RAI1: variants seen among roughly 807,000 people sequenced by gnomAD.
The protein encoded by RAI1 is retinoic acid induced 1, also known as retinoic acid-induced protein 1.
In RAI1, 9 loss-of-function variants were observed where a neutral mutation model predicts 123.8. The observed-to-expected ratio is 0.07, with a 90% CI of 0.04 to 0.13. The LOEUF is 0.13. Ranked by LOEUF, RAI1 falls within the 10% of genes least tolerant of loss-of-function variation. The pLI is 1.00. For synonymous variants in RAI1, 1,231 were observed against 1,127.3 expected (o/e 1.09, Z -1.84); for missense variants, 2,256 against 2,545.8 (o/e 0.89, Z 2.45).
At chr17:17,728,424 A>G (rs947549038) in intron 2 of RAI1, among the ~76,000 whole-genome samples, 1 of 152,210 alleles carries the variant, frequency 6.6e-6, no homozygotes, top group African/African-American at 2.4e-5. Context: ...TGATTGAGCC[A>G]TTCCTGCTCA....
At chr17:17,774,712 TAA>T (rs1245156246) in intron 2 of RAI1, among the ~76,000 whole-genome samples, 1 of 152,288 alleles carries the variant, frequency 6.6e-6, no homozygotes, top group Non-Finnish European at 1.5e-5. Context: ...CCCTCTGTTA[TAA>T]AAGAGTATAT....
chr17:17,798,243 G>A lies in RAI1; in HGVS notation c.5295G>A (p.Lys1765=). The change falls in exon 3 of 6, where the codon AAG becomes AAA. Residue 1765 remains lysine, a synonymous_variant. Coordinates refer to ENST00000353383, the MANE Select transcript of RAI1 (RefSeq NM_030665.4). ...PRPDGPADPA[K]QGPLRTSARG... ...CTGACGGCCCAGCTGACCCGGCCAA[G>A]CAGGGCCCACTGCGCACCAGTGCCC... is the stretch of plus-strand genomic sequence containing the variant. The A allele has an allele frequency of 6.2e-7, 1 of 1,609,318 alleles. No individual in the cohort carries two copies. The highest frequency in any genetic ancestry group is 8.5e-7 in the Non-Finnish European group (1 of 1,178,204).
intron 1 of RAI1, chr17:17,684,777 T>C (rs977526854): frequency 1.3e-5 from 2 of 151,246 alleles, no homozygotes; most frequent in Non-Finnish European, 2.9e-5. Context: ...GAGGACATAC[T>C]GTGGGCTCTT....
rs370245374 is a variant in RAI1, at chr17:17,795,498, C to T, written c.2550C>T (p.Phe850=). Residue 850 remains phenylalanine, a synonymous_variant, in exon 3 of 6, where the codon TTC becomes TTT. Coordinates refer to ENST00000353383, the MANE Select transcript of RAI1 (RefSeq NM_030665.4). This position sits in a 1 kb window ranked among gnomAD's most constrained non-coding sequence, Gnocchi z 5.9. ...GGCACTGCTGTTCCACCGCCGACTT[C>T]GGGGACCTCCCACTGCTGCCACCCA... ...DSRHCCSTAD[F]GDLPLLPPTS... 1.3e-5 allele frequency: 20 copies of T among 1,587,694 alleles called. No homozygotes were observed. The highest frequency in any genetic ancestry group is 5.4e-5 in the African/African-American group (4 of 74,452).
At chr17:17,719,688 C>G (rs1020585565) in intron 1 of RAI1, among the ~76,000 whole-genome samples, 6 of 152,044 alleles carry the variant, frequency 3.9e-5, no homozygotes, top group African/African-American at 1.5e-4. Flanking sequence ...GCTCTGAATC[C>G]TCAACACATA....
rs535015443 is a variant in RAI1 at position 17,810,527 on chromosome 17, G to C, written c.*546G>C. 3 of 280,016 alleles carry C rather than the reference G, an allele frequency of 1.1e-5. No individual in the cohort carries two copies. The highest frequency in any genetic ancestry group is 6.9e-5 in the African/African-American group (3 of 43,248). 17.3% of individuals were successfully genotyped at this position (280,016 alleles called of 1,614,324 possible). ...AGAAAGGAAGCCTTTCTGAGAGCGG[G>C]CTAGGCCGGCACTGGAGAGGCCGGA... On this transcript the variant is annotated 3_prime_UTR_variant, in exon 6 of 6. Coordinates refer to ENST00000353383, the MANE Select transcript of RAI1 (RefSeq NM_030665.4). The surrounding 1 kb of genome is among the most constrained non-coding windows in gnomAD (Gnocchi z 4.6).
At chr17:17,746,658 G>A (rs1438076084) in intron 2 of RAI1, among the ~76,000 whole-genome samples, 5 of 93,444 alleles carry the variant, frequency 5.4e-5, no homozygotes, top group Non-Finnish European at 1.2e-4. Context: ...TTTTTGAGAT[G>A]GAGTTTCGCT....
At position 17,781,021 on chromosome 17, in the gene RAI1, C is replaced by CT. The variant is rs561401910; in HGVS notation, c.-16-11910dup. Among the ~76,000 whole-genome samples the CT allele has an allele frequency of 3.0e-4, 45 of 152,318 alleles. 1 individual carries two copies. The highest frequency in any genetic ancestry group is 2.1e-3 in the East Asian group (11 of 5,178). On this transcript the variant is annotated intron_variant, in intron 2 of 5. Coordinates refer to ENST00000353383, the MANE Select transcript of RAI1 (RefSeq NM_030665.4). ...CAGGAGCTAGGAACCTGCCAGGCTT[C>CT]TTACCTCTCTGCTGGAATCTCCACC...
At chr17:17,719,209 T>G (rs1455441049) in intron 1 of RAI1, among the ~76,000 whole-genome samples, 2 of 152,186 alleles carry the variant, frequency 1.3e-5, no homozygotes, top group East Asian at 3.9e-4. Context: ...CCATCCCTGC[T>G]CAAAACACTG....
chr17:17,793,283 A>G lies in RAI1; in HGVS notation c.335A>G (p.Tyr112Cys), dbSNP rs1429075474. Residue 112 changes from tyrosine to cysteine, a missense_variant, in exon 3 of 6, where the codon TAT becomes TGT. Around this residue, in one of 7 missense-constraint regions of RAI1, gnomAD observed 336 missense variants for 349.8 expected, o/e 0.96. Coordinates refer to ENST00000353383, the MANE Select transcript of RAI1 (RefSeq NM_030665.4). ...VQDSSPYPGR[Y>C]AGEESLQAWG... ...GACAGCAGCCCCTACCCAGGCCGCTATGCTGGTGAGGAGAGCCTTCAGGCT... is the reference window on the plus strand; with the variant it reads ...GACAGCAGCCCCTACCCAGGCCGCTGTGCTGGTGAGGAGAGCCTTCAGGCT... 2 of 1,612,284 alleles carry G rather than the reference A, an allele frequency of 1.2e-6. No individual in the cohort carries two copies. Among genetic ancestry groups the G allele is most frequent in the African/African-American group, 2.7e-5 (2 of 74,872 alleles).
chr17:17,723,910 G>T (rs1915979253), intron 1 of RAI1, 118 bp from the exon 2 acceptor site: 1 of 149,084 alleles, frequency 6.7e-6, no homozygotes, highest in Admixed American at 6.7e-5. Context: ...AAGGAAACGC[G>T]GGGCGCGAGA....
At chr17:17,776,813 A>G (rs980230278) in intron 2 of RAI1, 3 of 150,818 alleles carry the variant, frequency 2.0e-5, no homozygotes, top group African/African-American at 7.3e-5. Context: ...GCAGGCAAAC[A>G]CCACCTCACC....
At chr17:17,782,159 C>G (rs934847475) in intron 2 of RAI1, 1 of 150,836 alleles carries the variant, frequency 6.6e-6, no homozygotes, top group African/African-American at 2.4e-5. Context: ...GATGCCCGCG[C>G]AGGGGCGGGG....
chr17:17,737,909 A>T (rs1436563111), intron 2 of RAI1, among the ~76,000 whole-genome samples: 1 of 152,176 alleles, frequency 6.6e-6, no homozygotes, highest in Non-Finnish European at 1.5e-5. Flanking sequence ...AGCCTCAGTG[A>T]TCCAGCCTCA....
At chr17:17,803,624 G>A (rs1000767225) in intron 3 of RAI1, 132 bp from the exon 4 acceptor site, 9 of 818,188 alleles carry the variant, frequency 1.1e-5, no homozygotes, top group East Asian at 2.5e-5. Context: ...GGACTCAGGC[G>A]ATCCTCCCAC....
In RAI1 at chr17:17,697,182, G is replaced by A. The variant is rs80109763; in HGVS notation, c.-149+15389G>A. Among the ~76,000 whole-genome samples the A allele has an allele frequency of 5.7e-3, 863 of 152,342 alleles. 8 individuals are homozygous for A. The highest frequency in any genetic ancestry group is 0.02 in the African/African-American group (831 of 41,582). On this transcript the variant is annotated intron_variant, in intron 1 of 5. Coordinates refer to ENST00000353383, the MANE Select transcript of RAI1 (RefSeq NM_030665.4). ...TTGGGAAATCACAGTTGCCAGGGAC[G>A]GTTTGGCATTTAAAAGGCATCCAAG...
intron 4 of RAI1, 57 bp downstream of exon 4, chr17:17,803,906 G>T: frequency 1.3e-6 from 2 of 1,527,360 alleles, no homozygotes; most frequent in Non-Finnish European, 1.8e-6. Flanking sequence ...AGTCCAGGGG[G>T]ACCCTCCCTG....
At position 17,793,046 on chromosome 17, in the gene RAI1, C is replaced by G; in HGVS notation, c.98C>G (p.Pro33Arg). The G allele has an allele frequency of 6.2e-7, 1 of 1,614,170 alleles. No homozygotes were observed. Among genetic ancestry groups the G allele is most frequent in the South Asian group, 1.1e-5 (1 of 91,088 alleles). The change falls in exon 3 of 6, where the codon CCG becomes CGG. Residue 33 changes from proline to arginine, a missense_variant. Physicochemically the swap from Pro to Arg is moderately radical, Grantham distance 103. Coordinates refer to ENST00000353383, the MANE Select transcript of RAI1 (RefSeq NM_030665.4). ...ETSRLENYRQ[P>R]SQAGLSCDRQ... ...TCACGCCTAGAGAATTACAGGCAGC[C>G]GAGTCAGGCCGGGCTAAGCTGCGAC...
intron 1 of RAI1, among the ~76,000 whole-genome samples, chr17:17,688,285 G>C (rs1567820938): frequency 1.3e-5 from 2 of 151,916 alleles, no homozygotes; most frequent in Non-Finnish European, 2.9e-5. Flanking sequence ...AGGAGTTCGA[G>C]ACCAGCCTGG....
Sources: gnomAD v4.1 joint callset for allele counts (sites outside exome capture counted in the v4.1 genomes callset) on GRCh38, gnomAD v4.1.1 for gene constraint, gnomAD v4.1.1 regional missense constraint, Gnocchi (gnomAD v3.1) non-coding constraint, MANE v1.5 for transcripts, NCBI Gene and HGNC (gene_info 2026-07-23, HGNC 2026-07-21) for gene names.